The following TLR8 variants were observed in gnomAD, a reference collection of about 807,000 sequenced individuals.
TLR8 encodes the protein toll-like receptor 8.
In TLR8, 5 loss-of-function variants were observed where a neutral mutation model predicts 18.5. The ratio of observed to expected loss-of-function variants is 0.27; its 90% CI spans 0.14 to 0.57. TLR8 has a LOEUF of 0.57. TLR8 is among the 20% of genes least tolerant of loss of function. The pLI is 0.92. For synonymous variants in TLR8, 299 were observed against 300.1 expected, an observed-to-expected ratio of 1.00 and a Z score of 0.04; for missense variants, 543 against 769.8, an observed-to-expected ratio of 0.71 and a Z score of 3.49.
intron 1 of TLR8, among the ~76,000 whole-genome samples, chrX:12,918,658 C>T (rs1477241155): frequency 9.0e-6 from 1 of 111,001 alleles, no homozygotes; most frequent in Non-Finnish European, 1.9e-5. Context: ...TTCAGCCTCC[C>T]GAGTAGTTGG....
chrX:12,921,373 G>T lies in TLR8; in HGVS notation c.2333G>T (p.Cys778Phe), dbSNP rs1419157060. 8.3e-7 allele frequency: 1 copy of T among 1,211,923 alleles called. No individual in the cohort carries two copies. The highest frequency in any genetic ancestry group is 2.2e-5 in the Admixed American group (1 of 46,054). The change falls in exon 2 of 2, where the codon TGT becomes TTT. Residue 778 changes from cysteine to phenylalanine, a missense_variant. Physicochemically the swap from Cys to Phe is radical, Grantham distance 205. Transcript: ENST00000218032. Reference sequence around the variant, plus strand: ...CACGGAAACCCCTTTGAATGCACCTGTGACATTGGAGATTTCCGAAGATGG... The same window carrying T: ...CACGGAAACCCCTTTGAATGCACCTTTGACATTGGAGATTTCCGAAGATGG... Reference protein sequence around the residue: ...ELHGNPFECTCDIGDFRRWMD... With the variant: ...ELHGNPFECTFDIGDFRRWMD...
At chrX:12,913,819 G>A (rs1400873343) in intron 1 of TLR8, among the ~76,000 whole-genome samples, 1 of 112,244 alleles carries the variant, frequency 8.9e-6, no homozygotes, top group African/African-American at 3.2e-5. Flanking sequence ...CAAAATTTAA[G>A]AGTGTTTGTT....
rs1244003063 is a variant in TLR8 at position 12,906,774 on chromosome X, C to G, written c.3+65C>G. The G allele has an allele frequency of 3.7e-5, 37 of 1,013,687 alleles. No homozygotes were observed. The South Asian group carries it at 1.2e-3, about 32-fold the overall frequency. 83.5% of individuals were successfully genotyped at this position (1,013,687 alleles called of 1,213,427 possible). ...AATATGGGGTTTCTGACCCAGAAAT[C>G]TGGGTTGGTGGCAAATGGTGTGAGC... On this transcript the variant is annotated intron_variant, in intron 1 of 1. Transcript: ENST00000218032.
chrX:12,912,774 T>G (rs1227765244), intron 1 of TLR8, among the ~76,000 whole-genome samples: 1 of 112,761 alleles, frequency 8.9e-6, no homozygotes, highest in African/African-American at 3.2e-5. Context: ...GCCCACAATT[T>G]GCTTTAAGCT....
intron 1 of TLR8, among the ~76,000 whole-genome samples, chrX:12,915,179 T>G (rs2043046467): frequency 9.0e-6 from 1 of 111,064 alleles, no homozygotes; most frequent in South Asian, 3.8e-4. Context: ...TTTTTTTCCT[T>G]TTTTGAGACG....
At position 12,921,206 on chromosome X, in the gene TLR8, C is replaced by T; in HGVS notation, c.2166C>T (p.Asn722=). The change falls in exon 2 of 2, where the codon AAC becomes AAT. Residue 722 remains asparagine, a synonymous_variant. Coordinates refer to ENST00000218032, the MANE Select transcript of TLR8 (RefSeq NM_138636.5). ...TTCGGACACTGCTGCTGAGTCATAACAGGATTTCCCACCTACCCTCTGGCT... is the reference window on the plus strand; with the variant it reads ...TTCGGACACTGCTGCTGAGTCATAATAGGATTTCCCACCTACCCTCTGGCT... The part of the protein sequence containing the change: ...SSLRTLLLSH[N]RISHLPSGFL... The T allele has an allele frequency of 8.3e-7, 1 of 1,211,801 alleles. No individual in the cohort carries two copies. The highest frequency in any genetic ancestry group is 1.8e-5 in the South Asian group (1 of 56,997).
In TLR8 at chrX:12,920,515, G is replaced by A; in HGVS notation, c.1475G>A (p.Ser492Asn). ...YGKALDLSLNSIFFIGPNQFE... is the reference protein window; with the variant it reads ...YGKALDLSLNNIFFIGPNQFE... ...AAAGCCTTAGATTTAAGCCTCAACA[G>A]TATTTTCTTCATTGGGCCAAACCAA... Residue 492 changes from serine (S) to asparagine (N), a missense_variant, in exon 2 of 2, where the codon AGT (serine) becomes AAT (asparagine). Physicochemically the swap from Ser to Asn is conservative, Grantham distance 46. Transcript: ENST00000218032. 1.7e-6 allele frequency: 2 copies of A among 1,211,748 alleles called. No homozygotes were observed. Among genetic ancestry groups the A allele is most frequent in the East Asian group, 5.9e-5 (2 of 33,850 alleles).
rs747780482 is a variant in TLR8, at chrX:12,921,173, A to G, written c.2133A>G (p.Thr711=). 1.7e-6 allele frequency: 2 copies of G among 1,210,193 alleles called. No homozygotes were observed. The highest frequency in any genetic ancestry group is 3.5e-5 in the African/African-American group (2 of 57,258). The change falls in exon 2 of 2, where the codon ACA becomes ACG. Residue 711 remains threonine, a synonymous_variant. Coordinates refer to ENST00000218032, the MANE Select transcript of TLR8 (RefSeq NM_138636.5). ...LFLTDSLSDF[T]SSLRTLLLSH... ...TAACTGATAGCCTATCTGACTTTACATCTTCCCTTCGGACACTGCTGCTGA... is the reference window on the plus strand; with the variant it reads ...TAACTGATAGCCTATCTGACTTTACGTCTTCCCTTCGGACACTGCTGCTGA...
Position 12,919,378 on chromosome X carries a change from G to A in TLR8, c.338G>A (p.Gly113Asp). Reference protein sequence around the residue: ...QNGNPGIQSNGLNITDGAFLN... With the variant: ...QNGNPGIQSNDLNITDGAFLN... ...GGAAATCCCGGTATACAATCAAATG[G>A]CTTGAATATCACAGACGGGGCATTC... is the stretch of plus-strand genomic sequence containing the variant. The change falls in exon 2 of 2, where the codon GGC becomes GAC. Residue 113 changes from glycine (G) to aspartate (D), a missense_variant. Gly to Asp is a moderately conservative substitution (Grantham distance 94). Transcript: ENST00000218032. The A allele has an allele frequency of 8.3e-7, 1 of 1,211,522 alleles. No homozygotes were observed. The highest frequency in any genetic ancestry group is 1.1e-6 in the Non-Finnish European group (1 of 895,465).
At chrX:12,906,774 C>A in intron 1 of TLR8, 65 bp downstream of exon 1, 1 of 1,015,124 alleles carries the variant, frequency 9.9e-7, no homozygotes, top group Non-Finnish European at 1.3e-6. Context: ...ACCCAGAAAT[C>A]TGGGTTGGTG....
At chrX:12,910,244 C>T (rs1371619340) in intron 1 of TLR8, 3 of 1,034,253 alleles carry the variant, frequency 2.9e-6, no homozygotes, top group South Asian at 2.7e-5. Flanking sequence ...TGAATCCAAA[C>T]ATTGTGCTGA....
rs781335361 is a variant in TLR8 at position 12,920,431 on chromosome X, A to G, written c.1391A>G (p.His464Arg). 8.3e-7 allele frequency: 1 copy of G among 1,209,930 alleles called. No homozygotes were observed. Residue 464 changes from histidine to arginine, a missense_variant, in exon 2 of 2, where the codon CAT (histidine) becomes CGT (arginine). Physicochemically the swap from His to Arg is conservative, Grantham distance 29. Around this residue, in one of 4 missense-constraint regions of TLR8, gnomAD observed 185 missense variants for 298.9 expected, o/e 0.62. Coordinates refer to ENST00000218032, the MANE Select transcript of TLR8 (RefSeq NM_138636.5). ...RRSTDFEFDP[H>R]SNFYHFTRPL... The stretch of plus-strand genomic sequence containing the variant: ...TCAACAGATTTTGAGTTTGACCCAC[A>G]TTCGAACTTTTATCATTTCACCCGT...
intron 1 of TLR8, among the ~76,000 whole-genome samples, chrX:12,915,436 G>A (rs1182702303): frequency 8.9e-6 from 1 of 112,806 alleles, no homozygotes; most frequent in Non-Finnish European, 1.9e-5. Flanking sequence ...AAACTGCTGG[G>A]ATTACAGGCG....
chrX:12,907,803 A>G (rs1429954424), intron 1 of TLR8, among the ~76,000 whole-genome samples: 1 of 110,965 alleles, frequency 9.0e-6, no homozygotes. Flanking sequence ...CTGGGATTAC[A>G]GGCATGAGCC....
rs182484458 is a variant in TLR8, at chrX:12,906,646, A to G, written c.-61A>G. 1.6e-4 allele frequency: 164 copies of G among 1,030,292 alleles called. No homozygotes were observed. In the African/African-American group the frequency reaches 3.1e-3, roughly 19 times the overall value. 84.9% of individuals were successfully genotyped at this position (1,030,292 alleles called of 1,213,427 possible). A position where few individuals can be genotyped will look rare whatever the true frequency, so the allele number is the denominator to read the frequency against. On this transcript the variant is annotated 5_prime_UTR_variant, in exon 1 of 2. Transcript: ENST00000218032. ...GTTTCTCTTCTCGGCCACCTCCTGC[A>G]TAGAGGGTACCATTCTGCGCTGCTG... is the stretch of plus-strand genomic sequence containing the variant.
At position 12,919,309 on chromosome X, in the gene TLR8, C is replaced by T; in HGVS notation, c.269C>T (p.Thr90Ile). Residue 90 changes from threonine to isoleucine, a missense_variant, in exon 2 of 2, where the codon ACT (threonine) becomes ATT (isoleucine). Physicochemically the swap from Thr to Ile is moderately conservative, Grantham distance 89. Transcript: ENST00000218032. ...TCATTTCAAGGGCTGCAAAATCTCA[C>T]TAAAATAAATCTAAACCACAACCCC... ...NESFQGLQNL[T>I]KINLNHNPNV... The T allele has an allele frequency of 8.3e-7, 1 of 1,211,671 alleles. No homozygotes were observed. The highest frequency in any genetic ancestry group is 1.8e-5 in the South Asian group (1 of 56,977).
chrX:12,913,881 G>A (rs1264703212), intron 1 of TLR8, among the ~76,000 whole-genome samples: 1 of 112,433 alleles, frequency 8.9e-6, no homozygotes, highest in Non-Finnish European at 1.9e-5. Context: ...GTATGACAGT[G>A]TAATTTTTGA....
chrX:12,917,135 A>T (rs1304626280), intron 1 of TLR8, among the ~76,000 whole-genome samples: 2 of 112,456 alleles, frequency 1.8e-5, no homozygotes, highest in Admixed American at 9.5e-5. Flanking sequence ...CTATAATGTC[A>T]TCACAGCAGT....
intron 1 of TLR8, 35 bp downstream of exon 1, chrX:12,906,744 A>G: frequency 9.2e-7 from 1 of 1,090,448 alleles, no homozygotes. Context: ...AAAGCTTTCC[A>G]ACAGAATATG....
Sources: gnomAD v4.1 joint callset for allele counts (sites outside exome capture counted in the v4.1 genomes callset) on GRCh38, gnomAD v4.1.1 for gene constraint, gnomAD v4.1.1 regional missense constraint, MANE v1.5 for transcripts, NCBI Gene and HGNC (gene_info 2026-07-23, HGNC 2026-07-21) for gene names.